The following PAMR1 variants were observed in gnomAD, a reference collection of about 807,000 sequenced individuals.
PAMR1 encodes inactive serine protease PAMR1.
Under a neutral mutation model 81.8 loss-of-function variants are expected in PAMR1, and 88 were observed. The ratio of observed to expected loss-of-function variants is 1.08; its 90% CI spans 0.91 to 1.28. PAMR1 has a LOEUF of 1.28. PAMR1 is among the 50% of genes most tolerant of loss of function. The pLI, the probability that PAMR1 is intolerant of heterozygous loss-of-function variation, is 0.00. For synonymous variants in PAMR1, 336 were observed against 345.3 expected (o/e 0.97, Z 0.30); for missense variants, 935 against 919.7 (o/e 1.02, Z -0.21).
chr11:35,522,088 A>G (rs1055839944), intron 1 of PAMR1, among the ~76,000 whole-genome samples: 1 of 151,970 alleles, frequency 6.6e-6, no homozygotes, highest in Admixed American at 6.6e-5. Flanking sequence ...ACGCCCAGCT[A>G]ATTTTTTGTA....
intron 3 of PAMR1, among the ~76,000 whole-genome samples, chr11:35,481,650 G>A (rs1850395204): frequency 6.6e-6 from 1 of 152,046 alleles, no homozygotes; most frequent in African/African-American, 2.4e-5. Context: ...AGCCTCCCAA[G>A]TAGCTGGGAG....
At chr11:35,487,205 T>C (rs1850526633) in intron 3 of PAMR1, among the ~76,000 whole-genome samples, 1 of 141,654 alleles carries the variant, frequency 7.1e-6, no homozygotes, top group African/African-American at 2.6e-5. Context: ...TTGAGATTGT[T>C]AGTTACCCAG....
intron 6 of PAMR1, among the ~76,000 whole-genome samples, chr11:35,451,535 C>A (rs558550405): frequency 6.6e-6 from 1 of 152,240 alleles, no homozygotes; most frequent in African/African-American, 2.4e-5. Flanking sequence ...AATGGTACAA[C>A]TTTAACTTGA....
At chr11:35,527,303 A>C (rs1254343255), upstream of PAMR1, among the ~76,000 whole-genome samples, 1 of 152,146 alleles carries the variant, frequency 6.6e-6, no homozygotes, top group Non-Finnish European at 1.5e-5. Flanking sequence ...AATCAAACCT[A>C]CTTTGTAGAT....
intron 3 of PAMR1, among the ~76,000 whole-genome samples, chr11:35,479,015 A>G (rs566849082): frequency 6.6e-6 from 1 of 152,282 alleles, no homozygotes; most frequent in South Asian, 2.1e-4. Context: ...AATCTTTATT[A>G]ATTTCTAGAC....
rs150433423 is a variant in PAMR1, at chr11:35,477,515, G to A, written c.380-2771C>T. Among the ~76,000 whole-genome samples the A allele has an allele frequency of 7.9e-5, 12 of 152,306 alleles. No individual in the cohort carries two copies. In the East Asian group the frequency reaches 1.9e-3, roughly 24 times the overall value. ...TGCAGAATCTGACTGCCCTTGGTTT[G>A]AAACTCAGCTTTATTTTCCCTAGCC... On this transcript the variant is annotated intron_variant, in intron 3 of 10. Transcript: ENST00000619888.
chr11:35,516,934 C>T (rs1851175170), intron 1 of PAMR1, among the ~76,000 whole-genome samples: 1 of 152,210 alleles, frequency 6.6e-6, no homozygotes, highest in African/African-American at 2.4e-5. Context: ...TTAGAGAAGC[C>T]TCTGTGAGAG....
intron 3 of PAMR1, among the ~76,000 whole-genome samples, chr11:35,477,168 C>T (rs935828916): frequency 2.0e-5 from 3 of 152,146 alleles, no homozygotes; most frequent in East Asian, 3.9e-4. Context: ...ATACACACGC[C>T]TATTTGAAAT....
At chr11:35,519,088 C>T (rs187673624) in intron 1 of PAMR1, among the ~76,000 whole-genome samples, 39 of 152,138 alleles carry the variant, frequency 2.6e-4, no homozygotes, top group Non-Finnish European at 5.3e-4. Flanking sequence ...GGCATTTATC[C>T]AACACCAGAG....
At chr11:35,494,648 C>T (rs918273431) in intron 1 of PAMR1, among the ~76,000 whole-genome samples, 2 of 152,120 alleles carry the variant, frequency 1.3e-5, no homozygotes, top group African/African-American at 2.4e-5. Flanking sequence ...AGTGGTAAGA[C>T]TCTTAAGTAC....
intron 3 of PAMR1, among the ~76,000 whole-genome samples, chr11:35,481,996 T>C (rs1001283763): frequency 6.6e-6 from 1 of 152,210 alleles, no homozygotes; most frequent in Non-Finnish European, 1.5e-5. Flanking sequence ...GCTTATTTGT[T>C]CTGATGATAG....
At chr11:35,524,819 C>T (rs1282352654) in intron 1 of PAMR1, among the ~76,000 whole-genome samples, 1 of 152,168 alleles carries the variant, frequency 6.6e-6, no homozygotes, top group Non-Finnish European at 1.5e-5. Context: ...GCCCATTTGA[C>T]CTGGGGATTG....
chr11:35,519,151 A>C (rs1344027603), intron 1 of PAMR1, among the ~76,000 whole-genome samples: 1 of 152,202 alleles, frequency 6.6e-6, no homozygotes, highest in Non-Finnish European at 1.5e-5. Flanking sequence ...CAAGGGGGCC[A>C]CTTCTTTAAA....
intron 3 of PAMR1, among the ~76,000 whole-genome samples, chr11:35,481,571 G>A (rs138978810): frequency 0.014 from 2,144 of 152,180 alleles, 38 homozygotes; most frequent in African/African-American, 0.048. Context: ...TGCCCAGGCT[G>A]GAGTGCAGTG....
intron 3 of PAMR1, among the ~76,000 whole-genome samples, chr11:35,481,820 C>T (rs1318454278): frequency 6.6e-6 from 1 of 152,086 alleles, no homozygotes; most frequent in Non-Finnish European, 1.5e-5. Context: ...CCTTGCCTGG[C>T]CATAAATGTC....
At chr11:35,510,119 T>C (rs1035326827) in intron 1 of PAMR1, among the ~76,000 whole-genome samples, 2 of 152,218 alleles carry the variant, frequency 1.3e-5, no homozygotes, top group African/African-American at 4.8e-5. Context: ...TTTTTCTTTA[T>C]AAAACACTTA....
Position 35,470,680 on chromosome 11 carries a change from T to G in PAMR1, c.633A>C (p.Gly211=). 6.2e-7 allele frequency: 1 copy of G among 1,614,148 alleles called. No homozygotes were observed. Among genetic ancestry groups the G allele is most frequent in the East Asian group, 2.2e-5 (1 of 44,878 alleles). Residue 211 remains glycine, a synonymous_variant, in exon 5 of 11, where the codon GGA becomes GGC. Coordinates refer to ENST00000619888, the MANE Select transcript of PAMR1 (RefSeq NM_001001991.3). Reference sequence around the variant, plus strand: ...AGTGGAAGAGGACGTGGAGTGAGGATCCTATGCTCTGGATAGGAGCTGGCC... The same window carrying G: ...AGTGGAAGAGGACGTGGAGTGAGGAGCCTATGCTCTGGATAGGAGCTGGCC... The part of the protein sequence containing the change: ...NERPAPIQSI[G]SSLHVLFHSD...
chr11:35,436,284 T>A, intron 8 of PAMR1, 149 bp from the exon 9 acceptor site: 1 of 610,604 alleles, frequency 1.6e-6, no homozygotes, highest in South Asian at 2.0e-5. Context: ...TCTCTCTCTG[T>A]CTGTCTGCCT....
intron 7 of PAMR1, among the ~76,000 whole-genome samples, chr11:35,441,257 T>A (rs1856157673): frequency 6.6e-6 from 1 of 152,016 alleles, no homozygotes; most frequent in African/African-American, 2.4e-5. Context: ...CTCTTCTTGA[T>A]CACCTCAAGG....
Sources: allele counts gnomAD v4.1 joint callset (sites outside exome capture counted in the v4.1 genomes callset), GRCh38; gene constraint gnomAD v4.1.1; transcripts MANE v1.5; gene names NCBI Gene and HGNC (gene_info 2026-07-23, HGNC 2026-07-21).